SDK1: variants seen among roughly 807,000 people sequenced by gnomAD.
SDK1 encodes the protein protein sidekick-1.
Under a neutral mutation model 245.5 loss-of-function variants are expected in SDK1, and 157 were observed. The ratio of observed to expected loss-of-function variants is 0.64; its 90% CI spans 0.56 to 0.73. The LOEUF (loss-of-function observed/expected upper bound fraction) is 0.73. SDK1 is among the 30% of genes least tolerant of loss of function. The pLI is 0.00. For synonymous variants in SDK1, 1,647 were observed against 1,278.5 expected (o/e 1.29, Z -6.15); for missense variants, 3,583 against 3,002.3 (o/e 1.19, Z -4.52).
intron 4 of SDK1, among the ~76,000 whole-genome samples, chr7:3,728,930 T>A (rs10238743): frequency 6.6e-6 from 1 of 151,650 alleles, no homozygotes; most frequent in Admixed American, 6.6e-5. Flanking sequence ...GAGACCTATC[T>A]CTCTAAAAAA....
intron 41 of SDK1, among the ~76,000 whole-genome samples, chr7:4,235,036 T>A (rs1469759997): frequency 6.6e-6 from 1 of 152,176 alleles, no homozygotes; most frequent in Non-Finnish European, 1.5e-5. Context: ...GCTATGAGTT[T>A]GGAGGAACGA....
intron 5 of SDK1, among the ~76,000 whole-genome samples, chr7:3,930,903 C>T (rs1779953414): frequency 6.6e-6 from 1 of 152,184 alleles, no homozygotes; most frequent in African/African-American, 2.4e-5. Flanking sequence ...TTTGTATTTT[C>T]AGCATCAGTT....
chr7:3,820,754 G>A (rs1366717677), intron 4 of SDK1, among the ~76,000 whole-genome samples: 1 of 152,240 alleles, frequency 6.6e-6, no homozygotes, highest in Non-Finnish European at 1.5e-5. Flanking sequence ...GTGGCGCAGA[G>A]AAAGGGCAGG....
chr7:3,864,580 G>A (rs910665345), intron 5 of SDK1, among the ~76,000 whole-genome samples: 7 of 152,148 alleles, frequency 4.6e-5, no homozygotes, highest in African/African-American at 1.7e-4. Flanking sequence ...AACCAGAGCT[G>A]AACTTGGCCA....
intron 25 of SDK1, among the ~76,000 whole-genome samples, chr7:4,122,734 A>G (rs561010399): frequency 1.3e-5 from 2 of 152,238 alleles, no homozygotes; most frequent in South Asian, 4.2e-4. Flanking sequence ...GAAGCCATGG[A>G]ATGGCTTTGT....
chr7:4,170,044 A>G (rs1584355817), intron 32 of SDK1, among the ~76,000 whole-genome samples: 1 of 151,930 alleles, frequency 6.6e-6, no homozygotes, highest in East Asian at 1.9e-4. Flanking sequence ...TCACATACCG[A>G]CTTTTCCAAC....
chr7:3,917,955 C>A (rs1415537513), intron 5 of SDK1, among the ~76,000 whole-genome samples: 1 of 152,198 alleles, frequency 6.6e-6, no homozygotes, highest in Non-Finnish European at 1.5e-5. Flanking sequence ...AAAGCAGAAA[C>A]CACCTCTGTT....
At chr7:3,674,440 C>T (rs955820055) in intron 4 of SDK1, among the ~76,000 whole-genome samples, 2 of 152,008 alleles carry the variant, frequency 1.3e-5, no homozygotes, top group Admixed American at 6.6e-5. Context: ...GAAGAAGAAA[C>T]ATTTAGAGGA....
At chr7:3,580,477 C>G (rs899870221) in intron 1 of SDK1, among the ~76,000 whole-genome samples, 1 of 152,090 alleles carries the variant, frequency 6.6e-6, no homozygotes, top group African/African-American at 2.4e-5. Flanking sequence ...AGAGTACCCA[C>G]AGATAAGGCC....
rs748795317 is a variant in SDK1 at position 3,951,746 on chromosome 7, A to C, written c.976A>C (p.Ser326Arg). 1.9e-6 allele frequency: 3 copies of C among 1,613,406 alleles called. No homozygotes were observed. Among genetic ancestry groups the C allele is most frequent in the Non-Finnish European group, 2.5e-6 (3 of 1,179,982 alleles). ...IASARPVEDLSVTWKRNGVRI... is the reference protein window; with the variant it reads ...IASARPVEDLRVTWKRNGVRI... ...TTCCCACAGGCCTGTGGAGGACCTG[A>C]GTGTGACCTGGAAGAGGAATGGAGT... Residue 326 changes from serine (S) to arginine (R), a missense_variant, in exon 7 of 45, where the codon AGT becomes CGT. Ser to Arg is a moderately radical substitution (Grantham distance 110, BLOSUM62 -1). Coordinates refer to ENST00000404826, the MANE Select transcript of SDK1 (RefSeq NM_152744.4).
intron 4 of SDK1, among the ~76,000 whole-genome samples, chr7:3,713,800 T>C (rs1785120499): frequency 6.6e-6 from 1 of 152,220 alleles, no homozygotes; most frequent in African/African-American, 2.4e-5. Flanking sequence ...GATTTGCTAA[T>C]GTTAAGGTAT....
At chr7:4,015,598 C>T (rs1252315257) in intron 16 of SDK1, among the ~76,000 whole-genome samples, 2 of 152,342 alleles carry the variant, frequency 1.3e-5, no homozygotes, top group East Asian at 3.9e-4. Flanking sequence ...ATCTGAACAC[C>T]ACCTGAGAAT....
intron 4 of SDK1, among the ~76,000 whole-genome samples, chr7:3,644,142 T>C (rs1389703257): frequency 6.6e-6 from 1 of 150,698 alleles, no homozygotes; most frequent in East Asian, 1.9e-4. Context: ...CCTCAAATGA[T>C]CCACCTGCCT....
At chr7:4,111,351 A>G (rs1038286676) in intron 23 of SDK1, among the ~76,000 whole-genome samples, 6 of 152,200 alleles carry the variant, frequency 3.9e-5, no homozygotes, top group South Asian at 2.1e-4. Context: ...TTTGAAGGAG[A>G]TGGAATTTCC....
intron 1 of SDK1, among the ~76,000 whole-genome samples, chr7:3,483,564 C>T (rs561349931): frequency 6.6e-6 from 1 of 152,118 alleles, no homozygotes; most frequent in Non-Finnish European, 1.5e-5. Context: ...TTATTGCAAT[C>T]CCTGCACCAC....
intron 4 of SDK1, among the ~76,000 whole-genome samples, chr7:3,726,842 T>C (rs377011294): frequency 6.6e-6 from 1 of 152,208 alleles, no homozygotes; most frequent in East Asian, 1.9e-4. Context: ...CTCTTCTCTT[T>C]ACTCAACCCT....
chr7:4,080,462 A>G (rs182654971), intron 22 of SDK1, among the ~76,000 whole-genome samples: 4 of 152,184 alleles, frequency 2.6e-5, no homozygotes, highest in Admixed American at 1.3e-4. Context: ...TGTGGTTTTC[A>G]TGACTGTACT....
In SDK1 at chr7:4,029,208, T is replaced by C. The variant is rs1044296196; in HGVS notation, c.2602+11856T>C. 5.4e-5 allele frequency among the ~76,000 whole-genome samples: 7 copies of C among 130,570 alleles called. 2 individuals are homozygous for C. The highest frequency in any genetic ancestry group is 2.8e-4 in the African/African-American group (7 of 24,606). 85.7% of individuals were successfully genotyped at this position (130,570 alleles called of 152,430 possible). On this transcript the variant is annotated intron_variant, in intron 17 of 44. Coordinates refer to ENST00000404826, the MANE Select transcript of SDK1 (RefSeq NM_152744.4). ...CTGTAGCTTGATTTTCTTTCTTTTA[T>C]TCTTTCTTTTTTTTTTTTTTTGTGA... is the stretch of plus-strand genomic sequence containing the variant.
intron 1 of SDK1, among the ~76,000 whole-genome samples, chr7:3,328,703 C>T (rs1583689939): frequency 6.6e-6 from 1 of 152,116 alleles, no homozygotes; most frequent in East Asian, 1.9e-4. Flanking sequence ...CTCTCCATTT[C>T]ATCCCTCTTT....
Sources: allele counts gnomAD v4.1 joint callset (sites outside exome capture counted in the v4.1 genomes callset), GRCh38; gene constraint gnomAD v4.1.1; transcripts MANE v1.5; gene names NCBI Gene and HGNC (gene_info 2026-07-23, HGNC 2026-07-21).